The following TNR variants were observed in gnomAD, a reference collection of about 807,000 sequenced individuals.
TNR encodes the protein tenascin R.
TNR carries 45 observed loss-of-function variants against 150.4 expected under a neutral mutation model. That is an observed-to-expected ratio of 0.30 (90% CI 0.24 to 0.38). The LOEUF (loss-of-function observed/expected upper bound fraction) is 0.38. TNR is among the 10% of genes least tolerant of loss of function. The probability of loss-of-function intolerance (pLI) is 1.00; values close to 1 mark genes in which losing one functional copy is unlikely to be tolerated. For synonymous variants in TNR, 687 were observed against 678.4 expected, an observed-to-expected ratio of 1.01 and a Z score of -0.20; for missense variants, 1,544 against 1,759.1, an observed-to-expected ratio of 0.88 and a Z score of 2.19.
chr1:175,391,271 G>C lies in TNR; in HGVS notation c.1507+17C>G. 6.2e-7 allele frequency: 1 copy of C among 1,612,692 alleles called. No individual in the cohort carries two copies. The highest frequency in any genetic ancestry group is 8.5e-7 in the Non-Finnish European group (1 of 1,179,670). ...ACCTAGTAGGCAGCTCTAGGGAGAA[G>C]GGTTGGAGGCACTCACCTGTGGAGA... On this transcript the variant is annotated intron_variant, in intron 7 of 22. Transcript: ENST00000367674.
intron 2 of TNR, among the ~76,000 whole-genome samples, chr1:175,485,740 A>G (rs374543251): frequency 6.6e-6 from 1 of 152,184 alleles, no homozygotes; most frequent in African/African-American, 2.4e-5. Flanking sequence ...CAAGGGATTT[A>G]GTATAATGTT....
At chr1:175,452,817 G>A (rs1048516295) in intron 2 of TNR, among the ~76,000 whole-genome samples, 3 of 152,122 alleles carry the variant, frequency 2.0e-5, no homozygotes, top group Non-Finnish European at 2.9e-5. Context: ...GTCCATTGAG[G>A]GATAAATGGA....
At chr1:175,465,688 T>A (rs1239753989) in intron 2 of TNR, among the ~76,000 whole-genome samples, 1 of 152,118 alleles carries the variant, frequency 6.6e-6, no homozygotes, top group Non-Finnish European at 1.5e-5. Flanking sequence ...TGAAGAAGTA[T>A]CCAGGAGCTC....
At chr1:175,587,924 G>A (rs1178301211) in intron 1 of TNR, among the ~76,000 whole-genome samples, 2 of 152,194 alleles carry the variant, frequency 1.3e-5, no homozygotes, top group African/African-American at 4.8e-5. Flanking sequence ...CACTCACATG[G>A]TGGAGGGGAT....
At chr1:175,719,959 G>A (rs1200565619) in intron 1 of TNR, among the ~76,000 whole-genome samples, 1 of 152,200 alleles carries the variant, frequency 6.6e-6, no homozygotes, top group Non-Finnish European at 1.5e-5. Context: ...GCCAGGCAGG[G>A]CACTGCCTGC....
intron 1 of TNR, among the ~76,000 whole-genome samples, chr1:175,657,995 C>G (rs1490560912): frequency 6.6e-6 from 1 of 151,252 alleles, no homozygotes; most frequent in Non-Finnish European, 1.5e-5. Context: ...AGAGCAACCC[C>G]CCTACCTCCA....
intron 1 of TNR, among the ~76,000 whole-genome samples, chr1:175,664,833 C>T (rs1310228502): frequency 6.6e-6 from 1 of 152,208 alleles, no homozygotes; most frequent in Non-Finnish European, 1.5e-5. Flanking sequence ...GAATGTGGGG[C>T]TGTTAGGAAA....
In TNR at chr1:175,643,934, C is replaced by T. The variant is rs536281104; in HGVS notation, c.-165+99292G>A. Among the ~76,000 whole-genome samples, 123 of 152,304 alleles carry T rather than the reference C, an allele frequency of 8.1e-4. 1 individual carries two copies. Among genetic ancestry groups the T allele is most frequent in the African/African-American group, 2.8e-3 (116 of 41,564 alleles). On this transcript the variant is annotated intron_variant, in intron 1 of 22. Transcript: ENST00000367674. ...GTCAGCAATCATGTGCAAATTAAAACATAATTATGCACACAGACCACCCAG... is the reference window on the plus strand; with the variant it reads ...GTCAGCAATCATGTGCAAATTAAAATATAATTATGCACACAGACCACCCAG...
chr1:175,673,883 A>C (rs1363713125), intron 1 of TNR, among the ~76,000 whole-genome samples: 2 of 152,240 alleles, frequency 1.3e-5, no homozygotes, highest in African/African-American at 4.8e-5. Context: ...AGAAACTCAA[A>C]ACAACAAAAA....
intron 1 of TNR, among the ~76,000 whole-genome samples, chr1:175,717,730 C>G (rs1667191045): frequency 6.6e-6 from 1 of 152,182 alleles, no homozygotes; most frequent in African/African-American, 2.4e-5. Context: ...TAGTCAAAGG[C>G]CCTTGCTGTG....
At chr1:175,397,887 G>T (rs1653507978) in intron 4 of TNR, among the ~76,000 whole-genome samples, 1 of 152,176 alleles carries the variant, frequency 6.6e-6, no homozygotes, top group East Asian at 1.9e-4. Context: ...GACTAACTAA[G>T]AGGCTAACTC....
At chr1:175,432,406 C>A (rs1015139582) in intron 2 of TNR, among the ~76,000 whole-genome samples, 3 of 152,176 alleles carry the variant, frequency 2.0e-5, no homozygotes, top group African/African-American at 7.2e-5. Flanking sequence ...AGCTCCAGAA[C>A]CAGGAATCTA....
chr1:175,533,835 G>A (rs1298514298), intron 1 of TNR, among the ~76,000 whole-genome samples: 1 of 152,070 alleles, frequency 6.6e-6, no homozygotes, highest in Non-Finnish European at 1.5e-5. Context: ...AGCTTTGTTG[G>A]TGATCTTTAA....
chr1:175,730,455 A>G (rs1202470730), intron 1 of TNR, among the ~76,000 whole-genome samples: 2 of 152,222 alleles, frequency 1.3e-5, no homozygotes, highest in Non-Finnish European at 2.9e-5. Context: ...AGATCCTCAA[A>G]GACAGGGAAC....
chr1:175,415,802 G>A (rs1028687905), intron 2 of TNR, among the ~76,000 whole-genome samples: 7 of 152,188 alleles, frequency 4.6e-5, no homozygotes, highest in Non-Finnish European at 7.3e-5. Flanking sequence ...TCAATCAAGG[G>A]AATGATACCA....
intron 1 of TNR, among the ~76,000 whole-genome samples, chr1:175,627,261 G>A (rs1333271503): frequency 6.6e-6 from 1 of 152,212 alleles, no homozygotes; most frequent in East Asian, 1.9e-4. Flanking sequence ...TAAATGCCCT[G>A]TGTTGTTCAA....
intron 1 of TNR, among the ~76,000 whole-genome samples, chr1:175,709,015 A>G (rs1666919214): frequency 6.6e-6 from 1 of 152,048 alleles, no homozygotes; most frequent in Non-Finnish European, 1.5e-5. Flanking sequence ...AATCCTCACG[A>G]CAGCTCCATG....
In TNR at chr1:175,359,597, C is replaced by T. The variant is rs765227175; in HGVS notation, c.2974+15G>A. 2 of 1,613,048 alleles carry T rather than the reference C, an allele frequency of 1.2e-6. No homozygotes were observed. Among genetic ancestry groups the T allele is most frequent in the East Asian group, 4.5e-5 (2 of 44,876 alleles). ...CATTCCCACCTGCCTGATCTGCAGG[C>T]CTGCAGACACCCACCTGCAAAGTGT... is the stretch of plus-strand genomic sequence containing the variant. On this transcript the variant is annotated intron_variant, in intron 15 of 22. Transcript: ENST00000367674.
rs1380323724 is a variant in TNR at position 175,537,043 on chromosome 1, G to T, written c.-164-8674C>A. Among the ~76,000 whole-genome samples the T allele has an allele frequency of 2.6e-5, 4 of 152,284 alleles. No homozygotes were observed. The East Asian group carries it at 7.7e-4, about 29-fold the overall frequency. ...TCTCTGCATCTAAAGGAAGCAGGAA[G>T]TTCGGGTGGCCAAAGCTTGACAGAG... is the stretch of plus-strand genomic sequence containing the variant. On this transcript the variant is annotated intron_variant, in intron 1 of 22. Transcript: ENST00000367674.
Sources: gnomAD v4.1 joint callset for allele counts (sites outside exome capture counted in the v4.1 genomes callset) on GRCh38, gnomAD v4.1.1 for gene constraint, MANE v1.5 for transcripts, NCBI Gene and HGNC (gene_info 2026-07-23, HGNC 2026-07-21) for gene names.